Variants in TTC28 observed in about 807,000 individuals in gnomAD.
The protein encoded by TTC28 is tetratricopeptide repeat domain 28, also known as tetratricopeptide repeat protein 28.
Under a neutral mutation model 198.0 loss-of-function variants are expected in TTC28, and 61 were observed. The observed-to-expected ratio is 0.31, with a 90% confidence interval of 0.25 to 0.38. The LOEUF is 0.38. Ranked by LOEUF, TTC28 falls within the 10% of genes least tolerant of loss-of-function variation. The pLI is 1.00. For synonymous variants in TTC28, 1,171 were observed against 1,297.8 expected, an observed-to-expected ratio of 0.90 and a Z score of 2.10; for missense variants, 2,678 against 3,164.0, an observed-to-expected ratio of 0.85 and a Z score of 3.69.
chr22:28,156,082 T>A (rs1383391880), intron 6 of TTC28, among the ~76,000 whole-genome samples: 1 of 152,028 alleles, frequency 6.6e-6, no homozygotes, highest in African/African-American at 2.4e-5. Flanking sequence ...GACTTCAGAG[T>A]TCTAAGTCAG....
chr22:28,547,077 T>C (rs1209610542), intron 2 of TTC28, among the ~76,000 whole-genome samples: 1 of 152,206 alleles, frequency 6.6e-6, no homozygotes, highest in Non-Finnish European at 1.5e-5. Flanking sequence ...ATAAATCTGA[T>C]TGCACGGGTT....
intron 2 of TTC28, among the ~76,000 whole-genome samples, chr22:28,421,174 A>G (rs1397091383): frequency 6.6e-6 from 1 of 152,180 alleles, no homozygotes; most frequent in Non-Finnish European, 1.5e-5. Context: ...CTTTCCTTTT[A>G]TCATGGTTCA....
At position 28,211,849 on chromosome 22, in the gene TTC28, C is replaced by T. The variant is rs538617483; in HGVS notation, c.934-48250G>A. ...ATACATTCTTCTCAGCACCATATCG[C>T]ACTTATTCCAAAATTGACCACATAG... On this transcript the variant is annotated intron_variant, in intron 5 of 22. Transcript: ENST00000397906. Among the ~76,000 whole-genome samples, 6 of 152,300 alleles carry T rather than the reference C, an allele frequency of 3.9e-5. No homozygotes were observed. The East Asian group carries it at 1.2e-3, about 29-fold the overall frequency.
chr22:28,040,562 A>G (rs1485675608), intron 12 of TTC28, among the ~76,000 whole-genome samples: 1 of 152,178 alleles, frequency 6.6e-6, no homozygotes. Context: ...CTCTCAATAA[A>G]CTAGGTATTG....
intron 2 of TTC28, among the ~76,000 whole-genome samples, chr22:28,503,927 G>A (rs1005666480): frequency 1.3e-5 from 2 of 152,130 alleles, no homozygotes; most frequent in African/African-American, 4.8e-5. Context: ...ATGGAGTTGG[G>A]CTCATGAACA....
intron 2 of TTC28, among the ~76,000 whole-genome samples, chr22:28,421,215 G>A (rs1434824676): frequency 6.6e-6 from 1 of 152,102 alleles, no homozygotes. Context: ...CTAATGTACA[G>A]TACCCAATTC....
chr22:28,133,356 G>C (rs1943107774), intron 6 of TTC28, among the ~76,000 whole-genome samples: 1 of 152,192 alleles, frequency 6.6e-6, no homozygotes, highest in South Asian at 2.1e-4. Context: ...TCATCTCACT[G>C]GGGCTTGTTG....
chr22:28,508,426 G>C (rs2146386864), intron 2 of TTC28, among the ~76,000 whole-genome samples: 1 of 152,226 alleles, frequency 6.6e-6, no homozygotes, highest in East Asian at 1.9e-4. Flanking sequence ...TGGGATTACA[G>C]GCACCTGCCA....
chr22:28,248,537 T>A (rs959107877), intron 5 of TTC28, among the ~76,000 whole-genome samples: 1 of 152,160 alleles, frequency 6.6e-6, no homozygotes, highest in Non-Finnish European at 1.5e-5. Context: ...GTGGCTAATT[T>A]TTTTTTCCAG....
At chr22:28,140,510 C>T (rs1310198973) in intron 6 of TTC28, among the ~76,000 whole-genome samples, 2 of 152,182 alleles carry the variant, frequency 1.3e-5, no homozygotes, top group South Asian at 2.1e-4. Flanking sequence ...TGTCACGTTC[C>T]ACCTATGTCA....
chr22:28,260,712 T>C (rs1019360854), intron 5 of TTC28, among the ~76,000 whole-genome samples: 1 of 152,144 alleles, frequency 6.6e-6, no homozygotes, highest in Non-Finnish European at 1.5e-5. Flanking sequence ...GTGTAACTTG[T>C]TTGGCATGAT....
chr22:28,137,258 T>G (rs1165708715), intron 6 of TTC28, among the ~76,000 whole-genome samples: 2 of 152,150 alleles, frequency 1.3e-5, no homozygotes, highest in African/African-American at 2.4e-5. Flanking sequence ...GGCTTCCTCA[T>G]CCTGAGGCAG....
At position 28,107,631 on chromosome 22, in the gene TTC28, C is replaced by T; in HGVS notation, c.2214G>A (p.Glu738=). 6.4e-7 allele frequency: 1 copy of T among 1,551,772 alleles called. No individual in the cohort carries two copies. The highest frequency in any genetic ancestry group is 1.4e-5 in the African/African-American group (1 of 73,186). The part of the protein sequence containing the change: ...KDINGAIKFY[E]QQLGLAHQVK... ...CCTGGTGAGCTAAGCCCAGTTGCTG[C>T]TCATAGAATTTTATTGCACCATTTA... The change falls in exon 7 of 23, where the codon GAG becomes GAA. Residue 738 remains glutamate, a synonymous_variant. Transcript: ENST00000397906.
At chr22:28,035,055 T>C (rs1180715749) in intron 12 of TTC28, among the ~76,000 whole-genome samples, 11 of 152,324 alleles carry the variant, frequency 7.2e-5, no homozygotes, top group Admixed American at 3.3e-4. Flanking sequence ...TTTGCAAGCA[T>C]GGCCACCTGA....
At chr22:28,387,413 C>T (rs1022169818) in intron 2 of TTC28, among the ~76,000 whole-genome samples, 7 of 152,304 alleles carry the variant, frequency 4.6e-5, no homozygotes, top group Middle Eastern at 3.4e-3. Context: ...CCTGAGGAAT[C>T]GCCACACTGA....
intron 2 of TTC28, among the ~76,000 whole-genome samples, chr22:28,611,233 C>T (rs945233741): frequency 1.3e-5 from 2 of 152,104 alleles, no homozygotes; most frequent in African/African-American, 4.8e-5. Context: ...AGACACTGCT[C>T]GAGAAGAGCA....
At chr22:28,318,965 C>T (rs1231336657) in intron 2 of TTC28, among the ~76,000 whole-genome samples, 5 of 151,372 alleles carry the variant, frequency 3.3e-5, no homozygotes, top group African/African-American at 4.9e-5. Flanking sequence ...ACTACAGGTA[C>T]GTGCCACCAT....
intron 2 of TTC28, among the ~76,000 whole-genome samples, chr22:28,339,264 A>G (rs1422217837): frequency 6.6e-6 from 1 of 152,162 alleles, no homozygotes; most frequent in Non-Finnish European, 1.5e-5. Context: ...TTTGTCTCAG[A>G]GGAGTACCTG....
intron 2 of TTC28, among the ~76,000 whole-genome samples, chr22:28,586,008 C>T (rs775885650): frequency 1.2e-3 from 187 of 151,636 alleles, no homozygotes; most frequent in African/African-American, 4.0e-3. Flanking sequence ...AAGCCGGGTG[C>T]GGTGGCTCAT....
Sources: allele counts gnomAD v4.1 joint callset (sites outside exome capture counted in the v4.1 genomes callset), GRCh38; gene constraint gnomAD v4.1.1; transcripts MANE v1.5; gene names NCBI Gene and HGNC (gene_info 2026-07-23, HGNC 2026-07-21).